SPPL3: variants seen among roughly 807,000 people sequenced by gnomAD.
SPPL3 encodes signal peptide peptidase like 3.
A neutral mutation model predicts 42.4 loss-of-function variants in SPPL3; 5 were observed. The observed-to-expected ratio is 0.12, with a 90% CI of 0.06 to 0.25. The LOEUF is 0.25. Ranked by LOEUF, SPPL3 falls within the 10% of genes least tolerant of loss-of-function variation. The pLI, the probability that SPPL3 is intolerant of heterozygous loss-of-function variation, is 1.00. For missense variants in SPPL3, 235 were observed against 489.0 expected (o/e 0.48, Z 4.90); for synonymous variants, 195 against 181.8 (o/e 1.07, Z -0.58).
chr12:120,874,067 C>A (rs1379983124), intron 1 of SPPL3, among the ~76,000 whole-genome samples: 4 of 151,958 alleles, frequency 2.6e-5, no homozygotes, highest in Non-Finnish European at 5.9e-5. Context: ...CAGCAGAACC[C>A]TACTACAACT....
chr12:120,835,257 T>C (rs763900463), intron 1 of SPPL3, among the ~76,000 whole-genome samples: 1 of 152,232 alleles, frequency 6.6e-6, no homozygotes, highest in African/African-American at 2.4e-5. Flanking sequence ...AAATAACATA[T>C]AATTCTAAAC....
At chr12:120,795,067 GTTATC>G (rs1407946626) in intron 2 of SPPL3, among the ~76,000 whole-genome samples, 5 of 152,072 alleles carry the variant, frequency 3.3e-5, no homozygotes, top group Non-Finnish European at 5.9e-5. Flanking sequence ...ACTCTTACAT[GTTATC>G]TTATAAACCT....
chr12:120,857,190 G>C (rs545715609), intron 1 of SPPL3, among the ~76,000 whole-genome samples: 2 of 152,198 alleles, frequency 1.3e-5, no homozygotes, highest in African/African-American at 4.8e-5. Flanking sequence ...GGGAGCTCTA[G>C]AGCCAGAAAG....
chr12:120,878,595 T>C (rs1170245379), intron 1 of SPPL3, among the ~76,000 whole-genome samples: 1 of 152,210 alleles, frequency 6.6e-6, no homozygotes, highest in African/African-American at 2.4e-5. Context: ...AGACAATCTT[T>C]CATTTCCTAT....
At chr12:120,894,095 A>C (rs1447133551) in intron 1 of SPPL3, among the ~76,000 whole-genome samples, 1 of 152,172 alleles carries the variant, frequency 6.6e-6, no homozygotes, top group Admixed American at 6.5e-5. Flanking sequence ...AGGCTGAGGC[A>C]GGCAGATGAC....
intron 1 of SPPL3, among the ~76,000 whole-genome samples, chr12:120,884,042 G>A (rs1049942442): frequency 1.3e-5 from 2 of 151,268 alleles, no homozygotes; most frequent in African/African-American, 2.4e-5. Context: ...CGGAGGTTGT[G>A]GTGAGCTGAG....
chr12:120,809,795 A>G (rs1870622213), intron 2 of SPPL3, among the ~76,000 whole-genome samples: 1 of 152,160 alleles, frequency 6.6e-6, no homozygotes. Context: ...GCACAACCCT[A>G]TTAATAGTAA....
At chr12:120,894,249 G>A (rs1265638163) in intron 1 of SPPL3, among the ~76,000 whole-genome samples, 9 of 152,302 alleles carry the variant, frequency 5.9e-5, no homozygotes, top group East Asian at 1.9e-4. Flanking sequence ...ACTTGAACCC[G>A]GGAGGCAGAG....
rs975459830 is a variant in SPPL3 at position 120,764,615 on chromosome 12, A to G, written c.*384T>C. ...GTCATTGAAGAAACTTCGGTTTGCT[A>G]ATTTTTTTCATCCTTTTAGTGTTCA... is the stretch of plus-strand genomic sequence containing the variant. On this transcript the variant is annotated 3_prime_UTR_variant, in exon 11 of 11. Transcript: ENST00000353487. 1 of 362,672 alleles carries G rather than the reference A, an allele frequency of 2.8e-6. No homozygotes were observed. The highest frequency in any genetic ancestry group is 4.9e-6 in the Non-Finnish European group (1 of 204,146). 22.5% of individuals were successfully genotyped at this position (362,672 alleles called of 1,614,324 possible).
At chr12:120,799,974 C>G (rs1870232952) in intron 2 of SPPL3, among the ~76,000 whole-genome samples, 1 of 152,098 alleles carries the variant, frequency 6.6e-6, no homozygotes, top group Non-Finnish European at 1.5e-5. Context: ...CAATTATAGG[C>G]CTTTAACTTA....
intron 9 of SPPL3, among the ~76,000 whole-genome samples, chr12:120,766,838 G>T (rs1868926601): frequency 6.6e-6 from 1 of 152,224 alleles, no homozygotes. Flanking sequence ...CCATGTGAAT[G>T]AACTGCTGTG....
At chr12:120,889,489 T>C (rs1873564813) in intron 1 of SPPL3, among the ~76,000 whole-genome samples, 2 of 152,136 alleles carry the variant, frequency 1.3e-5, no homozygotes, top group South Asian at 4.1e-4. Flanking sequence ...CCTTAAGAGG[T>C]CTCACCTTGC....
At chr12:120,878,026 GA>G (rs11389073) in intron 1 of SPPL3, among the ~76,000 whole-genome samples, 8 of 142,736 alleles carry the variant, frequency 5.6e-5, no homozygotes, top group African/African-American at 2.0e-4. Flanking sequence ...TCTTAAAAAA[GA>G]AAAAAAAATT....
intron 2 of SPPL3, among the ~76,000 whole-genome samples, chr12:120,802,369 A>T (rs1278982163): frequency 1.4e-5 from 2 of 143,696 alleles, no homozygotes; most frequent in Non-Finnish European, 3.0e-5. Flanking sequence ...GTATATATAT[A>T]CATATATATG....
intron 1 of SPPL3, among the ~76,000 whole-genome samples, chr12:120,829,252 C>G (rs1871321999): frequency 6.6e-6 from 1 of 152,116 alleles, no homozygotes. Flanking sequence ...TCTTAAAACA[C>G]AGAACAGATC....
At chr12:120,766,542 T>G (rs1487882680) in intron 9 of SPPL3, among the ~76,000 whole-genome samples, 170 bp from the exon 10 acceptor site, 3 of 152,104 alleles carry the variant, frequency 2.0e-5, no homozygotes, top group African/African-American at 7.2e-5. Flanking sequence ...CAGCACAGCT[T>G]TAAAAAACAC....
At chr12:120,891,487 A>G (rs1873638643) in intron 1 of SPPL3, among the ~76,000 whole-genome samples, 1 of 152,192 alleles carries the variant, frequency 6.6e-6, no homozygotes, top group South Asian at 2.1e-4. Flanking sequence ...GAAAAAGAAA[A>G]CAGACTTTTA....
intron 1 of SPPL3, among the ~76,000 whole-genome samples, chr12:120,844,883 C>G (rs1871967575): frequency 1.3e-5 from 2 of 151,480 alleles, no homozygotes; most frequent in South Asian, 4.2e-4. Flanking sequence ...AAAAAAAAAG[C>G]TGACTAATAT....
intron 8 of SPPL3, 38 bp downstream of exon 8, chr12:120,768,287 G>T (rs769625937): frequency 6.3e-7 from 1 of 1,586,440 alleles, no homozygotes; most frequent in Non-Finnish European, 8.6e-7. Flanking sequence ...GATAGGCACA[G>T]GAAGACAGTG....
Sources: allele counts gnomAD v4.1 joint callset (sites outside exome capture counted in the v4.1 genomes callset), GRCh38; gene constraint gnomAD v4.1.1; transcripts MANE v1.5; gene names NCBI Gene and HGNC (gene_info 2026-07-23, HGNC 2026-07-21).